The following SMARCD3 variants were observed in gnomAD, a reference collection of about 807,000 sequenced individuals.
SMARCD3 encodes SWI/SNF related BAF chromatin remodeling complex subunit D3.
In SMARCD3, 14 loss-of-function variants were observed where a neutral mutation model predicts 58.0. The observed-to-expected ratio is 0.24, with a 90% CI of 0.16 to 0.38. The LOEUF is 0.38. Among genes scored for constraint, SMARCD3 ranks in the 10% least tolerant of loss-of-function variants. SMARCD3 has a pLI of 1.00. For synonymous variants in SMARCD3, 253 were observed against 253.8 expected, an observed-to-expected ratio of 1.00 and a Z score of 0.03; for missense variants, 408 against 636.9, an observed-to-expected ratio of 0.64 and a Z score of 3.87.
At chr7:151,252,078 A>G (rs1195165014), upstream of SMARCD3, among the ~76,000 whole-genome samples, 1 of 151,932 alleles carries the variant, frequency 6.6e-6, no homozygotes, top group Non-Finnish European at 1.5e-5. Context: ...TGCGGGGAAG[A>G]GACTTAACTC....
At chr7:151,252,420 A>AGTGTGTGTGT (rs544394645), upstream of SMARCD3, among the ~76,000 whole-genome samples, 6 of 135,012 alleles carry the variant, frequency 4.4e-5, no homozygotes, top group East Asian at 7.9e-4. Flanking sequence ...GGCCTGAGTG[A>AGTGTGTGTGT]GTGTGTGTGT....
intron 2 of SMARCD3, among the ~76,000 whole-genome samples, chr7:151,269,392 C>A (rs1007828297): frequency 3.9e-5 from 6 of 152,240 alleles, no homozygotes; most frequent in African/African-American, 1.4e-4. Context: ...CCACCCTGAG[C>A]CATCTCCAGG....
rs533405944 is a variant in SMARCD3 at position 151,243,836 on chromosome 7, G to C, written c.291-135C>G. ...ACAGCCCACTTGTCTGCCCGCCCAAGGGCTGTGACGGTGGTGTGTGGAACC... is the reference window on the plus strand; with the variant it reads ...ACAGCCCACTTGTCTGCCCGCCCAACGGCTGTGACGGTGGTGTGTGGAACC... On this transcript the variant is annotated intron_variant, in intron 2 of 12. Coordinates refer to ENST00000262188, the MANE Select transcript of SMARCD3 (RefSeq NM_001003801.2). This position sits in a 1 kb window ranked among gnomAD's most constrained non-coding sequence, Gnocchi z 4.4. The C allele has an allele frequency of 1.9e-5, 14 of 750,760 alleles. No homozygotes were observed. The highest frequency in any genetic ancestry group is 8.8e-5 in the South Asian group (6 of 68,354). 46.5% of individuals were successfully genotyped at this position (750,760 alleles called of 1,614,324 possible).
chr7:151,239,800 A>G lies in SMARCD3; in HGVS notation c.1174-54T>C. On this transcript the variant is annotated intron_variant, in intron 10 of 12. Transcript: ENST00000262188. This position sits in a 1 kb window ranked among gnomAD's most constrained non-coding sequence, Gnocchi z 7.0. Reference sequence around the variant, plus strand: ...CCTGGCTTTGGTGATGTGGGAGACGAGGGGAAAGGAAGCGGGTGGGAAGGG... The same window carrying G: ...CCTGGCTTTGGTGATGTGGGAGACGGGGGGAAAGGAAGCGGGTGGGAAGGG... The G allele has an allele frequency of 7.6e-7, 1 of 1,314,668 alleles. No individual in the cohort carries two copies. The highest frequency in any genetic ancestry group is 1.1e-6 in the Non-Finnish European group (1 of 938,722). The allele number at this position is 1,314,668 out of a possible 1,614,324, so 81.4% of individuals were successfully genotyped here.
chr7:151,240,368 G>A lies in SMARCD3; in HGVS notation c.1037+57C>T, dbSNP rs1356632534. 13 of 1,587,246 alleles carry A rather than the reference G, an allele frequency of 8.2e-6. No individual in the cohort carries two copies. In the South Asian group the frequency reaches 1.4e-4, roughly 18 times the overall value. ...GGGAGTGGGAGGAGAGGGAGGGGCA[G>A]GGAAGGCAGGAACGAGATCATTCCC... On this transcript the variant is annotated intron_variant, in intron 9 of 12. Transcript: ENST00000262188.
intron 2 of SMARCD3, among the ~76,000 whole-genome samples, chr7:151,257,447 C>A (rs1388859421): frequency 2.0e-5 from 3 of 152,336 alleles, no homozygotes; most frequent in African/African-American, 7.2e-5. Flanking sequence ...CTGCCTCAGC[C>A]TCCTGAGTAG....
intron 2 of SMARCD3, among the ~76,000 whole-genome samples, chr7:151,262,706 G>C (rs1019352932): frequency 6.6e-6 from 1 of 152,204 alleles, no homozygotes; most frequent in Admixed American, 6.5e-5. Flanking sequence ...AACAGGGTGG[G>C]GCAGGGCTAC....
chr7:151,252,107 G>A (rs1385452472), upstream of SMARCD3, among the ~76,000 whole-genome samples: 1 of 152,108 alleles, frequency 6.6e-6, no homozygotes, highest in Non-Finnish European at 1.5e-5. Context: ...CGGGAAGATG[G>A]CCACCTAGGC....
intron 2 of SMARCD3, among the ~76,000 whole-genome samples, chr7:151,272,443 C>T (rs1256172429): frequency 2.0e-5 from 3 of 152,294 alleles, no homozygotes; most frequent in South Asian, 2.1e-4. Context: ...GAACACCTCC[C>T]TGTGTCTTCC....
chr7:151,253,216 G>C (rs901579179), upstream of SMARCD3, among the ~76,000 whole-genome samples: 1 of 152,156 alleles, frequency 6.6e-6, no homozygotes, highest in Non-Finnish European at 1.5e-5. Flanking sequence ...GAGTGAGTGG[G>C]GGCTGCTCAC....
intron 2 of SMARCD3, among the ~76,000 whole-genome samples, chr7:151,253,930 A>G (rs4472433): frequency 0.6 from 91,460 of 151,960 alleles, 27,820 homozygotes; most frequent in East Asian, 0.85. Flanking sequence ...GTCACTCAGA[A>G]CCATCCTCAC....
chr7:151,239,260 G>A lies in SMARCD3; in HGVS notation c.1399-104C>T. The A allele has an allele frequency of 7.2e-7, 1 of 1,398,524 alleles. No individual in the cohort carries two copies. Among genetic ancestry groups the A allele is most frequent in the Non-Finnish European group, 1.0e-6 (1 of 985,078 alleles). The allele number at this position is 1,398,524 out of a possible 1,614,324, so 86.6% of individuals were successfully genotyped here. A position where few individuals can be genotyped will look rare whatever the true frequency, so the allele number is the denominator to read the frequency against. On this transcript the variant is annotated intron_variant, in intron 12 of 12. Transcript: ENST00000262188. The surrounding 1 kb of genome is among the most constrained non-coding windows in gnomAD (Gnocchi z 7.0). ...TGCCCTGAAAGAGCATCTGGGAGCAGGGAGGGCCATTGCATGGTGAGGCAG... is the reference window on the plus strand; with the variant it reads ...TGCCCTGAAAGAGCATCTGGGAGCAAGGAGGGCCATTGCATGGTGAGGCAG...
At chr7:151,244,594 C>T (rs193092406) in intron 2 of SMARCD3, among the ~76,000 whole-genome samples, 75 of 152,244 alleles carry the variant, frequency 4.9e-4, no homozygotes, top group African/African-American at 1.6e-3. Flanking sequence ...CTATGTGTAA[C>T]TCTCCATTTA....
At position 151,243,651 on chromosome 7, in the gene SMARCD3, GCACT is replaced by G. The variant is rs1393063258; in HGVS notation, c.333+4_333+7del. 1 of 1,585,598 alleles carries G rather than the reference GCACT, an allele frequency of 6.3e-7. No individual in the cohort carries two copies. ...GGTGGGCTGGGGGCTGCTGTGAAAG[GCACT>G]CACCCTTTGAGGGAGGATTTTGTCA... On this transcript the variant is annotated splice_donor_5th_base_variant and intron_variant, in intron 3 of 12. Transcript: ENST00000262188. This position sits in a 1 kb window ranked among gnomAD's most constrained non-coding sequence, Gnocchi z 4.4.
In SMARCD3 at chr7:151,243,246, TCTC is replaced by T. The variant is rs1563653493; in HGVS notation, c.334-406_334-404del. On this transcript the variant is annotated intron_variant, in intron 3 of 12. Coordinates refer to ENST00000262188, the MANE Select transcript of SMARCD3 (RefSeq NM_001003801.2). The surrounding 1 kb of genome is among the most constrained non-coding windows in gnomAD (Gnocchi z 4.4). Reference sequence around the variant, plus strand: ...AGACAGTTGGACAGCGGTGCTTTCTTCTCTGCTGGCACCTTGCTCAGCCCCCAC... The same window carrying T: ...AGACAGTTGGACAGCGGTGCTTTCTTTGCTGGCACCTTGCTCAGCCCCCAC... 6.6e-6 allele frequency among the ~76,000 whole-genome samples: 1 copy of T among 152,158 alleles called. No individual in the cohort carries two copies. The highest frequency in any genetic ancestry group is 1.5e-5 in the Non-Finnish European group (1 of 68,020).
At chr7:151,252,230 G>T (rs1043749617), upstream of SMARCD3, among the ~76,000 whole-genome samples, 1 of 152,182 alleles carries the variant, frequency 6.6e-6, no homozygotes, top group Non-Finnish European at 1.5e-5. Context: ...GGAAGAAGGG[G>T]CTGGAAGGAG....
At chr7:151,253,731 G>C (rs999944040) in intron 2 of SMARCD3, among the ~76,000 whole-genome samples, 1 of 152,210 alleles carries the variant, frequency 6.6e-6, no homozygotes, top group African/African-American at 2.4e-5. Flanking sequence ...ACACAGGCCT[G>C]GTCCCCATTT....
chr7:151,240,715 G>C (rs1377060639), intron 8 of SMARCD3, 193 bp from the exon 9 acceptor site: 3 of 587,282 alleles, frequency 5.1e-6, no homozygotes, highest in Non-Finnish European at 9.1e-6. Context: ...ATAGGGGGTG[G>C]GTCAGTGTGG....
rs770911608 is a variant in SMARCD3, at chr7:151,240,398, C to T, written c.1037+27G>A. On this transcript the variant is annotated intron_variant, in intron 9 of 12. Coordinates refer to ENST00000262188, the MANE Select transcript of SMARCD3 (RefSeq NM_001003801.2). The stretch of plus-strand genomic sequence containing the variant: ...GGCAGGAACGAGATCATTCCCTGGT[C>T]TGAGAAGCAAGCTGGGGCCACCTCA... 5 of 1,601,850 alleles carry T rather than the reference C, an allele frequency of 3.1e-6. No homozygotes were observed. The Admixed American group carries it at 8.4e-5, about 27-fold the overall frequency.
Sources: gnomAD v4.1 joint callset for allele counts (sites outside exome capture counted in the v4.1 genomes callset) on GRCh38, gnomAD v4.1.1 for gene constraint, Gnocchi (gnomAD v3.1) non-coding constraint, MANE v1.5 for transcripts, NCBI Gene and HGNC (gene_info 2026-07-23, HGNC 2026-07-21) for gene names.